The following AKAP13 variants were observed in gnomAD, a reference collection of about 807,000 sequenced individuals.
The protein encoded by AKAP13 is A-kinase anchoring protein 13, also known as A-kinase anchor protein 13.
A neutral mutation model predicts 264.5 loss-of-function variants in AKAP13; 80 were observed. That is an observed-to-expected ratio of 0.30 (90% CI 0.25 to 0.36). The LOEUF is 0.36. Ranked by LOEUF, AKAP13 falls within the 10% of genes least tolerant of loss-of-function variation. The pLI is 1.00. For missense variants in AKAP13, 3,712 were observed against 3,435.2 expected (o/e 1.08, Z -2.01); for synonymous variants, 1,380 against 1,250.2 (o/e 1.10, Z -2.19).
At chr15:85,433,998 C>T (rs8026443) in intron 1 of AKAP13, among the ~76,000 whole-genome samples, 2 of 151,916 alleles carry the variant, frequency 1.3e-5, no homozygotes, top group South Asian at 2.1e-4. Context: ...GGAACAGCTC[C>T]GGTCTACAGC....
At chr15:85,695,157 C>G (rs1025814494) in intron 17 of AKAP13, among the ~76,000 whole-genome samples, 2 of 152,146 alleles carry the variant, frequency 1.3e-5, no homozygotes, top group Non-Finnish European at 2.9e-5. Flanking sequence ...ATAATCATAG[C>G]ACTTTGGGAG....
intron 1 of AKAP13, among the ~76,000 whole-genome samples, chr15:85,415,907 G>A (rs1007533376): frequency 6.6e-6 from 1 of 152,116 alleles, no homozygotes; most frequent in Non-Finnish European, 1.5e-5. Flanking sequence ...GTTTATGAGA[G>A]AGCTGGTGCA....
chr15:85,612,992 G>A (rs933743946), intron 8 of AKAP13, among the ~76,000 whole-genome samples: 10 of 152,158 alleles, frequency 6.6e-5, no homozygotes, highest in African/African-American at 2.4e-4. Context: ...AGAAGTTCTT[G>A]TGTCATTGTA....
At chr15:85,691,395 C>G (rs959337233) in intron 16 of AKAP13, among the ~76,000 whole-genome samples, 1 of 152,182 alleles carries the variant, frequency 6.6e-6, no homozygotes, top group Admixed American at 6.5e-5. Flanking sequence ...TGGTGTCCAC[C>G]TGAAATGTCC....
chr15:85,512,093 T>C (rs2151124506), intron 2 of AKAP13, among the ~76,000 whole-genome samples: 1 of 152,288 alleles, frequency 6.6e-6, no homozygotes, highest in Admixed American at 6.5e-5. Context: ...ATGAATCTTT[T>C]GGCTTGCCAT....
intron 7 of AKAP13, among the ~76,000 whole-genome samples, chr15:85,583,963 G>A (rs2079228811): frequency 1.3e-5 from 2 of 152,150 alleles, no homozygotes; most frequent in South Asian, 4.1e-4. Context: ...AACTGCAGAG[G>A]AACTCTGTAT....
intron 30 of AKAP13, among the ~76,000 whole-genome samples, chr15:85,731,665 T>C (rs1162546052): frequency 2.6e-5 from 4 of 152,186 alleles, no homozygotes; most frequent in Admixed American, 1.3e-4. Context: ...TTGTGACATA[T>C]AAGAAAAGAT....
At chr15:85,397,937 T>C (rs2071199771) in intron 1 of AKAP13, among the ~76,000 whole-genome samples, 1 of 152,224 alleles carries the variant, frequency 6.6e-6, no homozygotes, top group South Asian at 2.1e-4. Flanking sequence ...TACAAACCCT[T>C]GTCTCATTTT....
intron 14 of AKAP13, among the ~76,000 whole-genome samples, chr15:85,673,637 G>GA (rs2084039558): frequency 1.4e-5 from 2 of 139,254 alleles, no homozygotes; most frequent in South Asian, 2.4e-4. Flanking sequence ...ATAGAATTCA[G>GA]TTATTACAGA....
At chr15:85,569,451 C>CTTTTTTTTTTTTTTTTT (rs71468120) in intron 5 of AKAP13, among the ~76,000 whole-genome samples, 1 of 121,818 alleles carries the variant, frequency 8.2e-6, no homozygotes, top group Non-Finnish European at 1.7e-5. Context: ...TTTTTCTTTT[C>CTTTTTTTTTTTTTTTTT]TTTTTTTTTT....
chr15:85,735,518 T>G, intron 31 of AKAP13, 42 bp from the exon 32 acceptor site: 2 of 1,581,414 alleles, frequency 1.3e-6, no homozygotes, highest in South Asian at 1.2e-5. Flanking sequence ...GCTAATCTGT[T>G]TCACAACTTT....
intron 2 of AKAP13, among the ~76,000 whole-genome samples, chr15:85,491,502 ATATAT>A (rs1338900013): frequency 6.9e-6 from 1 of 145,866 alleles, no homozygotes; most frequent in Non-Finnish European, 1.5e-5. Context: ...TATATTTATT[ATATAT>A]TATATATTAT....
At chr15:85,499,574 A>G (rs953204912) in intron 2 of AKAP13, among the ~76,000 whole-genome samples, 13 of 152,300 alleles carry the variant, frequency 8.5e-5, no homozygotes, top group Admixed American at 8.5e-4. Flanking sequence ...AGGTAAACCA[A>G]TTCCAACTCT....
At chr15:85,465,985 C>G (rs2074723597) in intron 1 of AKAP13, among the ~76,000 whole-genome samples, 1 of 151,548 alleles carries the variant, frequency 6.6e-6, no homozygotes. Flanking sequence ...TAAAAGTGTT[C>G]CTATTTCTCC....
At chr15:85,395,526 A>G (rs1401401319) in intron 1 of AKAP13, among the ~76,000 whole-genome samples, 1 of 152,176 alleles carries the variant, frequency 6.6e-6, no homozygotes, top group Non-Finnish European at 1.5e-5. Context: ...TGAATAATTG[A>G]GATTGGCTTA....
chr15:85,595,737 T>G (rs886839982), intron 8 of AKAP13, among the ~76,000 whole-genome samples: 6 of 152,188 alleles, frequency 3.9e-5, no homozygotes, highest in Non-Finnish European at 7.3e-5. Flanking sequence ...CACAATACGC[T>G]CAGCCCTTCG....
intron 2 of AKAP13, among the ~76,000 whole-genome samples, chr15:85,513,988 A>G (rs2076526457): frequency 7.3e-6 from 1 of 137,740 alleles, no homozygotes; most frequent in African/African-American, 2.9e-5. Context: ...TGTTCAGTGT[A>G]TTGGCAGATT....
intron 1 of AKAP13, among the ~76,000 whole-genome samples, chr15:85,463,812 T>G (rs989740994): frequency 2.6e-5 from 4 of 151,998 alleles, no homozygotes; most frequent in African/African-American, 4.8e-5. Flanking sequence ...TTTACTTTTT[T>G]TTTTTTTCCC....
chr15:85,732,866 T>G (rs1225147179), intron 30 of AKAP13, among the ~76,000 whole-genome samples: 1 of 151,784 alleles, frequency 6.6e-6, no homozygotes, highest in Admixed American at 6.6e-5. Flanking sequence ...ATAGTATTAC[T>G]AACACTATTT....
Sources: allele counts gnomAD v4.1 joint callset (sites outside exome capture counted in the v4.1 genomes callset), GRCh38; gene constraint gnomAD v4.1.1; transcripts MANE v1.5; gene names NCBI Gene and HGNC (gene_info 2026-07-23, HGNC 2026-07-21).